The following ESCO1 variants were observed in gnomAD, a reference collection of about 807,000 sequenced individuals.
ESCO1 encodes the protein establishment of sister chromatid cohesion N-acetyltransferase 1, also known as N-acetyltransferase ESCO1.
A neutral mutation model predicts 83.5 loss-of-function variants in ESCO1; 33 were observed. The observed-to-expected ratio is 0.40, with a 90% confidence interval of 0.30 to 0.53. The LOEUF is 0.53. Ranked by LOEUF, ESCO1 falls within the 20% of genes least tolerant of loss-of-function variation. The pLI is 0.63. For synonymous variants in ESCO1, 332 were observed against 324.3 expected, an observed-to-expected ratio of 1.02 and a Z score of -0.25; for missense variants, 855 against 968.0, an observed-to-expected ratio of 0.88 and a Z score of 1.55.
chr18:21,556,986 C>A (rs183547055), intron 8 of ESCO1, among the ~76,000 whole-genome samples: 2 of 152,186 alleles, frequency 1.3e-5, no homozygotes, highest in East Asian at 3.9e-4. Context: ...AGGCATGAGC[C>A]ACTGACCGGT....
At chr18:21,591,752 G>A (rs2038673178) in intron 1 of ESCO1, among the ~76,000 whole-genome samples, 3 of 151,490 alleles carry the variant, frequency 2.0e-5, no homozygotes, top group East Asian at 1.9e-4. Flanking sequence ...CAATAGTGGA[G>A]GGAAGGTCAG....
chr18:21,573,228 CTTCA>C, intron 4 of ESCO1, 82 bp downstream of exon 4: 1 of 1,318,866 alleles, frequency 7.6e-7, no homozygotes, highest in Non-Finnish European at 1.0e-6. Flanking sequence ...TCTTTTATGA[CTTCA>C]TTCTTATGCT....
intron 2 of ESCO1, among the ~76,000 whole-genome samples, chr18:21,577,982 T>C (rs959502566): frequency 1.3e-5 from 2 of 152,182 alleles, no homozygotes; most frequent in East Asian, 1.9e-4. Flanking sequence ...TGAGTACTAC[T>C]GAATTTGGCA....
Position 21,529,678 on chromosome 18 carries a change from G to A in ESCO1, c.*665C>T, listed in dbSNP as rs2037742122. 6.6e-6 allele frequency: 1 copy of A among 152,072 alleles called. No homozygotes were observed. The allele number at this position is 152,072 out of a possible 1,614,324, so 9.4% of individuals were successfully genotyped here. A position where few individuals can be genotyped will look rare whatever the true frequency, so the allele number is the denominator to read the frequency against. Reference sequence around the variant, plus strand: ...CTTGTCATTTACAGCTCTCCAAGAAGGAAAGCCTCAATTCTTTACCACTTT... The same window carrying A: ...CTTGTCATTTACAGCTCTCCAAGAAAGAAAGCCTCAATTCTTTACCACTTT... On this transcript the variant is annotated 3_prime_UTR_variant, in exon 12 of 12. Coordinates refer to ENST00000269214, the MANE Select transcript of ESCO1 (RefSeq NM_052911.3).
intron 11 of ESCO1, 68 bp from the exon 12 acceptor site, chr18:21,530,558 A>G (rs1188431523): frequency 7.1e-7 from 1 of 1,409,602 alleles, no homozygotes; most frequent in East Asian, 2.4e-5. Context: ...AATTCTAATC[A>G]TTAAAACTGG....
In ESCO1 at chr18:21,529,797, T is replaced by C. The variant is rs2037743749; in HGVS notation, c.*546A>G. On this transcript the variant is annotated 3_prime_UTR_variant, in exon 12 of 12. Coordinates refer to ENST00000269214, the MANE Select transcript of ESCO1 (RefSeq NM_052911.3). ...TTCCTATTTAGCTGGAGCTTTCCTT[T>C]TCTATAGGGGTTTCTTCAAAGTATA... 6.6e-6 allele frequency: 1 copy of C among 152,518 alleles called. No homozygotes were observed. Among genetic ancestry groups the C allele is most frequent in the African/African-American group, 2.4e-5 (1 of 41,572 alleles). The allele number at this position is 152,518 out of a possible 1,614,324, so 9.4% of individuals were successfully genotyped here.
rs550598337 is a variant in ESCO1, at chr18:21,538,941, T to C, written c.2043+979A>G. Reference sequence around the variant, plus strand: ...AAAAATAAGTTTACCTTTTGGTTCCTGATTTTTAAAATAACCTATATAATA... The same window carrying C: ...AAAAATAAGTTTACCTTTTGGTTCCCGATTTTTAAAATAACCTATATAATA... On this transcript the variant is annotated intron_variant, in intron 9 of 11. Coordinates refer to ENST00000269214, the MANE Select transcript of ESCO1 (RefSeq NM_052911.3). 3.9e-5 allele frequency among the ~76,000 whole-genome samples: 6 copies of C among 152,166 alleles called. No homozygotes were observed. The East Asian group carries it at 5.8e-4, about 15-fold the overall frequency.
rs2037744463 is a variant in ESCO1, at chr18:21,529,831, C to CT, written c.*511dup. The CT allele has an allele frequency of 1.3e-5, 2 of 152,502 alleles. No individual in the cohort carries two copies. Among genetic ancestry groups the CT allele is most frequent in the Admixed American group, 1.3e-4 (2 of 15,270 alleles). 9.4% of individuals were successfully genotyped at this position (152,502 alleles called of 1,614,324 possible). A position where few individuals can be genotyped will look rare whatever the true frequency, so the allele number is the denominator to read the frequency against. On this transcript the variant is annotated 3_prime_UTR_variant, in exon 12 of 12. Transcript: ENST00000269214. The stretch of plus-strand genomic sequence containing the variant: ...GGTTTCTTCAAAGTATAGTTCAGGC[C>CT]TTTTAAAAATTAGCTTCAAATTCCA...
chr18:21,590,208 C>A (rs2038644548), intron 1 of ESCO1, among the ~76,000 whole-genome samples: 1 of 151,456 alleles, frequency 6.6e-6, no homozygotes, highest in African/African-American at 2.4e-5. Context: ...CTTAAACTCA[C>A]CCACATGAAC....
chr18:21,572,874 G>C (rs772322409), intron 4 of ESCO1, among the ~76,000 whole-genome samples: 1 of 151,774 alleles, frequency 6.6e-6, no homozygotes, highest in Non-Finnish European at 1.5e-5. Flanking sequence ...TGAGGCTAGA[G>C]AATGGCTTGA....
chr18:21,589,974 C>T (rs971141452), intron 1 of ESCO1, among the ~76,000 whole-genome samples: 1 of 151,722 alleles, frequency 6.6e-6, no homozygotes, highest in African/African-American at 2.4e-5. Flanking sequence ...ACTACAGGCA[C>T]CCGCCACCAC....
At chr18:21,579,642 G>A (rs1265564770) in intron 2 of ESCO1, among the ~76,000 whole-genome samples, 2 of 147,860 alleles carry the variant, frequency 1.4e-5, no homozygotes, top group East Asian at 2.2e-4. Flanking sequence ...CATGGAGGCA[G>A]GCACCTGTAA....
At chr18:21,563,012 T>C (rs551801339) in intron 7 of ESCO1, among the ~76,000 whole-genome samples, 2 of 151,564 alleles carry the variant, frequency 1.3e-5, no homozygotes, top group East Asian at 3.9e-4. Flanking sequence ...GCTGGGATTA[T>C]AGGAACGAAT....
chr18:21,598,607 C>T (rs1006763832), intron 1 of ESCO1, among the ~76,000 whole-genome samples: 4 of 151,930 alleles, frequency 2.6e-5, no homozygotes, highest in African/African-American at 9.7e-5. Context: ...GAGGCCGAGG[C>T]AGGAGAATCA....
chr18:21,563,603 C>T (rs1216328568), intron 7 of ESCO1, among the ~76,000 whole-genome samples: 2 of 152,176 alleles, frequency 1.3e-5, no homozygotes, highest in Non-Finnish European at 2.9e-5. Flanking sequence ...CCACCTTGGC[C>T]TCCCAAAGTG....
In ESCO1 at chr18:21,573,899, C is replaced by T. The variant is rs766804275; in HGVS notation, c.945G>A (p.Glu315=). 3.1e-6 allele frequency: 5 copies of T among 1,613,930 alleles called. No homozygotes were observed. The highest frequency in any genetic ancestry group is 4.2e-6 in the Non-Finnish European group (5 of 1,180,038). ...CCTTTTTTACCTCTACATTATCTGACTCAATTTCACCAGCAATTTCTTCAC... is the reference window on the plus strand; with the variant it reads ...CCTTTTTTACCTCTACATTATCTGATTCAATTTCACCAGCAATTTCTTCAC... The part of the protein sequence containing the change: ...QLCEEIAGEI[E]SDNVEVKKES... Residue 315 remains glutamate, a synonymous_variant, in exon 4 of 12, where the codon GAG becomes GAA. Coordinates refer to ENST00000269214, the MANE Select transcript of ESCO1 (RefSeq NM_052911.3).
intron 8 of ESCO1, among the ~76,000 whole-genome samples, chr18:21,557,983 GTT>G (rs757798371): frequency 5.7e-5 from 8 of 141,476 alleles, no homozygotes; most frequent in Non-Finnish European, 1.6e-5. Flanking sequence ...GTTTTTTGGG[GTT>G]TTTTTTTTTT....
At chr18:21,571,797 T>C (rs1160370190) in intron 4 of ESCO1, among the ~76,000 whole-genome samples, 1 of 152,228 alleles carries the variant, frequency 6.6e-6, no homozygotes, top group Non-Finnish European at 1.5e-5. Context: ...AACTTATTAC[T>C]CATACTACAA....
At chr18:21,536,411 G>A (rs1473974821) in intron 9 of ESCO1, among the ~76,000 whole-genome samples, 2 of 151,828 alleles carry the variant, frequency 1.3e-5, no homozygotes, top group East Asian at 1.9e-4. Flanking sequence ...GCAACATGGT[G>A]AAACCCTGTC....
Sources: gnomAD v4.1 joint callset for allele counts (sites outside exome capture counted in the v4.1 genomes callset) on GRCh38, gnomAD v4.1.1 for gene constraint, MANE v1.5 for transcripts, NCBI Gene and HGNC (gene_info 2026-07-23, HGNC 2026-07-21) for gene names.